Variants in ARHGEF3 observed in about 807,000 individuals in gnomAD.
ARHGEF3 encodes the protein 59.8 kDA protein.
A neutral mutation model predicts 63.2 loss-of-function variants in ARHGEF3; 28 were observed. The ratio of observed to expected loss-of-function variants is 0.44; its 90% CI spans 0.33 to 0.61. ARHGEF3 has a LOEUF of 0.61. Ranked by LOEUF, ARHGEF3 falls within the 20% of genes least tolerant of loss-of-function variation. The pLI is 0.03. For synonymous variants in ARHGEF3, 266 were observed against 254.2 expected (o/e 1.05, Z -0.44); for missense variants, 533 against 659.3 (o/e 0.81, Z 2.10).
chr3:56,993,054 C>T (rs900492735), intron 2 of ARHGEF3, among the ~76,000 whole-genome samples: 12 of 152,122 alleles, frequency 7.9e-5, no homozygotes, highest in African/African-American at 1.4e-4. Flanking sequence ...AGTCTGGCCT[C>T]GAATTCCTGA....
At chr3:56,865,344 A>G (rs1256203265) in intron 4 of ARHGEF3, among the ~76,000 whole-genome samples, 1 of 152,246 alleles carries the variant, frequency 6.6e-6, no homozygotes, top group Non-Finnish European at 1.5e-5. Context: ...AACAGAGCAG[A>G]GCAAAACACA....
chr3:56,921,414 G>C (rs1167231877), intron 3 of ARHGEF3, among the ~76,000 whole-genome samples: 2 of 152,120 alleles, frequency 1.3e-5, no homozygotes, highest in Non-Finnish European at 2.9e-5. Context: ...ACAAATTCAG[G>C]TAACACTAAG....
chr3:56,933,961 T>C (rs2042480831), intron 3 of ARHGEF3, among the ~76,000 whole-genome samples: 1 of 152,204 alleles, frequency 6.6e-6, no homozygotes, highest in African/African-American at 2.4e-5. Flanking sequence ...TGTTTAACAG[T>C]TCTTCCTTCA....
At chr3:56,869,700 AT>A (rs2040370924) in intron 4 of ARHGEF3, among the ~76,000 whole-genome samples, 1 of 152,228 alleles carries the variant, frequency 6.6e-6, no homozygotes, top group South Asian at 2.1e-4. Flanking sequence ...ATATAATTAC[AT>A]AAATCATTTA....
intron 3 of ARHGEF3, among the ~76,000 whole-genome samples, chr3:56,940,388 T>C (rs1699118358): frequency 6.6e-6 from 1 of 152,180 alleles, no homozygotes; most frequent in Non-Finnish European, 1.5e-5. Context: ...ACGATAACTA[T>C]ATAAAATAAA....
chr3:56,868,024 G>T (rs4681919), intron 4 of ARHGEF3, among the ~76,000 whole-genome samples: 114,068 of 152,002 alleles, frequency 0.75, 45,065 homozygotes, highest in East Asian at 0.97. Context: ...AAGGCATTTT[G>T]TTAAATACTT....
intron 3 of ARHGEF3, among the ~76,000 whole-genome samples, chr3:56,910,401 T>C (rs1413670447): frequency 1.3e-5 from 2 of 152,204 alleles, no homozygotes; most frequent in Admixed American, 1.3e-4. Flanking sequence ...TCAAAATCAC[T>C]AGAGGCAGCA....
At chr3:56,887,910 G>A (rs1369360231) in intron 3 of ARHGEF3, among the ~76,000 whole-genome samples, 1 of 152,170 alleles carries the variant, frequency 6.6e-6, no homozygotes, top group Non-Finnish European at 1.5e-5. Context: ...AAGAAAGAAT[G>A]AATAAAGGAG....
chr3:56,996,417 C>T (rs942373796), intron 2 of ARHGEF3, among the ~76,000 whole-genome samples: 5 of 152,148 alleles, frequency 3.3e-5, no homozygotes, highest in African/African-American at 1.2e-4. Context: ...TGGGTTGAAA[C>T]CTAATCCCCC....
intron 1 of ARHGEF3, among the ~76,000 whole-genome samples, chr3:57,055,093 C>T (rs577766133): frequency 6.6e-6 from 1 of 151,346 alleles, no homozygotes; most frequent in Admixed American, 6.6e-5. Flanking sequence ...TTTTCCCTCT[C>T]TTAATGGTGT....
At position 56,729,367 on chromosome 3, in the gene ARHGEF3, C is replaced by G. The variant is rs1050145023; in HGVS notation, c.1484G>C (p.Cys495Ser). ...QMDQSDSESD[C>S]SMDTSEVSLD... The stretch of plus-strand genomic sequence containing the variant: ...GCTGACCTCACTCGTGTCCATACTA[C>G]AGTCTGACTCACTGTCCGATTGGTC... The change falls in exon 10 of 10, where the codon TGT (cysteine) becomes TCT (serine). Residue 495 changes from cysteine to serine, a missense_variant. This residue lies in a region of ARHGEF3 where 115 missense variants were observed against 103.4 expected (regional missense o/e 1.11). Transcript: ENST00000296315. 3.1e-6 allele frequency: 5 copies of G among 1,613,998 alleles called. No homozygotes were observed. The African/African-American group carries it at 5.3e-5, about 17-fold the overall frequency.
At chr3:56,983,062 A>T (rs1228770519) in intron 2 of ARHGEF3, among the ~76,000 whole-genome samples, 1 of 151,542 alleles carries the variant, frequency 6.6e-6, no homozygotes, top group Non-Finnish European at 1.5e-5. Flanking sequence ...AATAAAAAAA[A>T]TAATAATTTA....
intron 4 of ARHGEF3, among the ~76,000 whole-genome samples, chr3:56,845,591 C>T (rs559853970): frequency 5.3e-5 from 8 of 152,254 alleles, no homozygotes; most frequent in East Asian, 1.9e-4. Context: ...GAACAGTATA[C>T]GTTTTAATAT....
intron 2 of ARHGEF3, among the ~76,000 whole-genome samples, chr3:56,760,284 ATTAT>A (rs1339202008): frequency 2.0e-5 from 3 of 152,342 alleles, no homozygotes; most frequent in African/African-American, 7.2e-5. Context: ...TCAACAAGGT[ATTAT>A]TATCAATCTG....
chr3:56,893,663 C>T (rs774901161), intron 3 of ARHGEF3, among the ~76,000 whole-genome samples: 6 of 151,766 alleles, frequency 4.0e-5, no homozygotes, highest in Non-Finnish European at 7.4e-5. Flanking sequence ...AAAATTAGCC[C>T]GGCATGGTGG....
intron 2 of ARHGEF3, among the ~76,000 whole-genome samples, chr3:56,763,616 G>C (rs2035543707): frequency 6.6e-6 from 1 of 152,224 alleles, no homozygotes; most frequent in South Asian, 2.1e-4. Flanking sequence ...AGTTAAGTGA[G>C]AGAAGAAAGA....
intron 3 of ARHGEF3, chr3:56,938,524 T>C (rs1346073064): frequency 1.3e-5 from 2 of 152,182 alleles, no homozygotes; most frequent in South Asian, 2.1e-4. Flanking sequence ...AAAAGATACC[T>C]AATATTCATG....
chr3:56,855,881 C>T (rs1221069478), intron 4 of ARHGEF3, among the ~76,000 whole-genome samples: 3 of 152,200 alleles, frequency 2.0e-5, no homozygotes, highest in African/African-American at 7.2e-5. Context: ...ATTCCAAATA[C>T]TTACGCTTAA....
chr3:56,930,852 T>G (rs931466017), intron 3 of ARHGEF3, among the ~76,000 whole-genome samples: 2 of 152,202 alleles, frequency 1.3e-5, no homozygotes, highest in Non-Finnish European at 2.9e-5. Context: ...TCAGAATGAC[T>G]AATGAAACCA....
Sources: gnomAD v4.1 joint callset for allele counts (sites outside exome capture counted in the v4.1 genomes callset) on GRCh38, gnomAD v4.1.1 for gene constraint, gnomAD v4.1.1 regional missense constraint, MANE v1.5 for transcripts, NCBI Gene and HGNC (gene_info 2026-07-23, HGNC 2026-07-21) for gene names.